Variants in FHIT observed in about 807,000 individuals in gnomAD.
FHIT encodes bis(5'-adenosyl)-triphosphatase.
In FHIT, 19 loss-of-function variants were observed where a neutral mutation model predicts 17.9. That is an observed-to-expected ratio of 1.06 (90% CI 0.74 to 1.56). FHIT has a LOEUF of 1.56. Among genes scored for constraint, FHIT ranks in the 40% most tolerant of loss-of-function variants. The pLI is 0.00. For missense variants in FHIT, 248 were observed against 189.2 expected (o/e 1.31, Z -1.82); for synonymous variants, 81 against 69.7 (o/e 1.16, Z -0.81).
At chr3:61,043,765 C>G (rs1231809601) in intron 2 of FHIT, among the ~76,000 whole-genome samples, 4 of 152,294 alleles carry the variant, frequency 2.6e-5, no homozygotes, top group Admixed American at 6.5e-5. Context: ...GCCAAGTACC[C>G]CTCTGAGACA....
At chr3:60,995,080 G>A (rs1277978051) in intron 3 of FHIT, among the ~76,000 whole-genome samples, 1 of 152,152 alleles carries the variant, frequency 6.6e-6, no homozygotes, top group Non-Finnish European at 1.5e-5. Flanking sequence ...CAGCACTTTG[G>A]GAGGCCGAGG....
At chr3:59,921,309 A>C (rs180926222) in intron 8 of FHIT, among the ~76,000 whole-genome samples, 10 of 152,214 alleles carry the variant, frequency 6.6e-5, no homozygotes, top group Non-Finnish European at 7.3e-5. Flanking sequence ...CACACACACA[A>C]AAAGATGCAT....
chr3:60,785,536 G>A (rs1438542276), intron 4 of FHIT, among the ~76,000 whole-genome samples: 1 of 152,158 alleles, frequency 6.6e-6, no homozygotes, highest in Non-Finnish European at 1.5e-5. Context: ...CTGGCTCTCT[G>A]CTGTGTCTGA....
chr3:59,850,837 T>A (rs1701903800), intron 8 of FHIT, among the ~76,000 whole-genome samples: 1 of 152,164 alleles, frequency 6.6e-6, no homozygotes, highest in Non-Finnish European at 1.5e-5. Flanking sequence ...AAAAGAATAC[T>A]ACTGTGCAAG....
intron 2 of FHIT, among the ~76,000 whole-genome samples, chr3:61,051,660 A>T (rs1341152352): frequency 6.6e-6 from 1 of 152,158 alleles, no homozygotes; most frequent in Non-Finnish European, 1.5e-5. Context: ...AATGTTTCTG[A>T]TAGATGTTTG....
chr3:60,646,675 A>G (rs1380959056), intron 4 of FHIT, among the ~76,000 whole-genome samples: 2 of 152,104 alleles, frequency 1.3e-5, no homozygotes, highest in African/African-American at 4.8e-5. Context: ...AGTGAGAAAA[A>G]ATTTTTTGAA....
At chr3:59,983,263 A>G (rs536032523) in intron 7 of FHIT, among the ~76,000 whole-genome samples, 1 of 152,136 alleles carries the variant, frequency 6.6e-6, no homozygotes, top group African/African-American at 2.4e-5. Context: ...TGGAACAAAA[A>G]GAAGGGGTAT....
intron 5 of FHIT, among the ~76,000 whole-genome samples, chr3:60,190,249 TGC>T (rs1702342449): frequency 6.6e-6 from 1 of 152,084 alleles, no homozygotes; most frequent in South Asian, 2.1e-4. Flanking sequence ...TATTTTTGTT[TGC>T]TTCATAACAG....
At chr3:59,787,526 A>T (rs629627) in intron 8 of FHIT, among the ~76,000 whole-genome samples, 11,340 of 135,200 alleles carry the variant, frequency 0.084, 443 homozygotes, top group Non-Finnish European at 0.1. Flanking sequence ...ACACACACAC[A>T]CACGTCAAAG....
chr3:59,871,290 A>G (rs898569753), intron 8 of FHIT, among the ~76,000 whole-genome samples: 1 of 152,176 alleles, frequency 6.6e-6, no homozygotes, highest in Non-Finnish European at 1.5e-5. Flanking sequence ...GAGAGCATCA[A>G]TATTGTAAAT....
chr3:60,196,760 T>A (rs1188408571), intron 5 of FHIT, among the ~76,000 whole-genome samples: 1 of 151,890 alleles, frequency 6.6e-6, no homozygotes, highest in African/African-American at 2.4e-5. Flanking sequence ...CACACACATA[T>A]CCATTACATA....
At chr3:61,242,812 C>T (rs946475042) in intron 1 of FHIT, among the ~76,000 whole-genome samples, 2 of 152,114 alleles carry the variant, frequency 1.3e-5, no homozygotes, top group Non-Finnish European at 2.9e-5. Flanking sequence ...TGCATGGAGG[C>T]ACAAGACCAA....
intron 2 of FHIT, among the ~76,000 whole-genome samples, chr3:61,176,202 A>T (rs1368643472): frequency 6.6e-6 from 1 of 152,232 alleles, no homozygotes; most frequent in Non-Finnish European, 1.5e-5. Flanking sequence ...TGAGCCATTG[A>T]GGCTCTTGGT....
chr3:60,990,245 C>T (rs1465698636), intron 3 of FHIT, among the ~76,000 whole-genome samples: 2 of 152,192 alleles, frequency 1.3e-5, no homozygotes, highest in Non-Finnish European at 2.9e-5. Flanking sequence ...CCAAATCCAA[C>T]AGCAGCTAAG....
chr3:60,229,879 G>C (rs993757514), intron 5 of FHIT, among the ~76,000 whole-genome samples: 4 of 152,136 alleles, frequency 2.6e-5, no homozygotes, highest in Non-Finnish European at 2.9e-5. Context: ...CTTCTCAAGA[G>C]GCTGTGGCAG....
chr3:60,376,499 A>T (rs1395493606), intron 5 of FHIT, among the ~76,000 whole-genome samples: 1 of 152,172 alleles, frequency 6.6e-6, no homozygotes, highest in Non-Finnish European at 1.5e-5. Flanking sequence ...ACACACACAC[A>T]TTCTCAAAAC....
At chr3:60,491,462 A>G (rs1228446742) in intron 5 of FHIT, among the ~76,000 whole-genome samples, 1 of 152,188 alleles carries the variant, frequency 6.6e-6, no homozygotes, top group Non-Finnish European at 1.5e-5. Flanking sequence ...ATAACTACCT[A>G]GAAACAGTCC....
intron 2 of FHIT, among the ~76,000 whole-genome samples, chr3:61,087,392 C>T (rs1288242952): frequency 6.6e-6 from 1 of 152,050 alleles, no homozygotes; most frequent in African/African-American, 2.4e-5. Context: ...GTGTGACAAA[C>T]CTAAATCACC....
intron 4 of FHIT, among the ~76,000 whole-genome samples, chr3:60,812,282 C>A (rs1172967671): frequency 2.0e-5 from 3 of 151,506 alleles, no homozygotes; most frequent in East Asian, 1.9e-4. Flanking sequence ...TTTGCCTCAG[C>A]CTCCCAAGCA....
Sources: allele counts gnomAD v4.1 joint callset (sites outside exome capture counted in the v4.1 genomes callset), GRCh38; gene constraint gnomAD v4.1.1; transcripts MANE v1.5; gene names NCBI Gene and HGNC (gene_info 2026-07-23, HGNC 2026-07-21).